RPS19: variants seen among roughly 807,000 people sequenced by gnomAD.
RPS19 encodes the protein small ribosomal subunit protein eS19.
Under a neutral mutation model 20.3 loss-of-function variants are expected in RPS19, and 1 was observed. The ratio of observed to expected loss-of-function variants is 0.05; its 90% CI spans 0.02 to 0.23. The LOEUF (loss-of-function observed/expected upper bound fraction) is 0.23. Ranked by LOEUF, RPS19 falls within the 10% of genes least tolerant of loss-of-function variation. RPS19 has a pLI of 1.00. For synonymous variants in RPS19, 87 were observed against 74.8 expected, an observed-to-expected ratio of 1.16 and a Z score of -0.84; for missense variants, 111 against 192.7, an observed-to-expected ratio of 0.58 and a Z score of 2.51.
At chr19:41,860,702 T>C in intron 1 of RPS19, 73 bp from the exon 2 acceptor site, 1 of 1,088,184 alleles carries the variant, frequency 9.2e-7, no homozygotes, top group Non-Finnish European at 1.4e-6. Flanking sequence ...AGCGAAAGGA[T>C]TGGGGTGGGG....
chr19:41,871,364 A>G lies in RPS19; in HGVS notation c.425A>G (p.Asn142Ser). ...DRIAGQVAAA[N>S]KKH Reference sequence around the variant, plus strand: ...CTTTTCCCACAGGTGGCAGCTGCCAACAAGAAGCATTAGAACAAACCATGC... The same window carrying G: ...CTTTTCCCACAGGTGGCAGCTGCCAGCAAGAAGCATTAGAACAAACCATGC... The change falls in exon 6 of 6, where the codon AAC becomes AGC. Residue 142 changes from asparagine (N) to serine (S), a missense_variant. Coordinates refer to ENST00000598742, the MANE Select transcript of RPS19 (RefSeq NM_001022.4). The G allele has an allele frequency of 6.2e-7, 1 of 1,614,016 alleles. No individual in the cohort carries two copies. The highest frequency in any genetic ancestry group is 1.1e-5 in the South Asian group (1 of 91,086).
At position 41,869,696 on chromosome 19, in the gene RPS19, C is replaced by A. The variant is rs1442016641; in HGVS notation, c.357-3C>A. 6.2e-7 allele frequency: 1 copy of A among 1,613,908 alleles called. No individual in the cohort carries two copies. The highest frequency in any genetic ancestry group is 8.5e-7 in the Non-Finnish European group (1 of 1,179,978). On this transcript the variant is annotated splice_polypyrimidine_tract_variant and splice_region_variant and intron_variant, in intron 4 of 5. Coordinates refer to ENST00000598742, the MANE Select transcript of RPS19 (RefSeq NM_001022.4). Reference sequence around the variant, plus strand: ...GGCCTGCATGACCCTTCCCTCCCCACAGCGGCCGCAAACTGACACCTCAGG... The same window carrying A: ...GGCCTGCATGACCCTTCCCTCCCCAAAGCGGCCGCAAACTGACACCTCAGG...
chr19:41,868,998 G>T, intron 3 of RPS19, 33 bp from the exon 4 acceptor site: 1 of 1,607,578 alleles, frequency 6.2e-7, no homozygotes, highest in South Asian at 1.1e-5. Flanking sequence ...CCTTGATCAA[G>T]ACCCTTAAAT....
intron 4 of RPS19, chr19:41,869,488 C>G: frequency 3.2e-6 from 2 of 618,986 alleles, no homozygotes; most frequent in Non-Finnish European, 5.7e-6. Flanking sequence ...GGCTTTTGAT[C>G]TAAATGCTTG....
chr19:41,869,936 G>A (rs1048280688), intron 5 of RPS19, among the ~76,000 whole-genome samples, 183 bp downstream of exon 5: 9 of 152,108 alleles, frequency 5.9e-5, no homozygotes, highest in African/African-American at 2.2e-4. Context: ...TTTTCCTGTT[G>A]GTGCTGCTTA....
intron 3 of RPS19, among the ~76,000 whole-genome samples, chr19:41,861,959 A>C (rs1555839374): frequency 6.6e-6 from 1 of 152,130 alleles, no homozygotes; most frequent in Non-Finnish European, 1.5e-5. Flanking sequence ...CTAAATCTTC[A>C]CTTTCAGGAA....
Position 41,860,786 on chromosome 19 carries a change from T to C in RPS19, c.12T>C (p.Val4=). ...ACTTTCTCCCTCAGATGCCTGGAGT[T>C]ACTGTAAAAGACGTGAACCAGCAGG... MPG[V]TVKDVNQQEF... is the part of the protein sequence containing the mutation. The change falls in exon 2 of 6, where the codon GTT becomes GTC. Residue 4 remains valine (V), a synonymous_variant. Coordinates refer to ENST00000598742, the MANE Select transcript of RPS19 (RefSeq NM_001022.4). 6.2e-7 allele frequency: 1 copy of C among 1,613,858 alleles called. No homozygotes were observed. Among genetic ancestry groups the C allele is most frequent in the Non-Finnish European group, 8.5e-7 (1 of 1,179,694 alleles).
At chr19:41,866,939 C>T (rs1555840848) in intron 3 of RPS19, among the ~76,000 whole-genome samples, 2 of 151,962 alleles carry the variant, frequency 1.3e-5, no homozygotes, top group African/African-American at 4.8e-5. Flanking sequence ...ATGGAGTGAA[C>T]CCGGAAGGCA....
At chr19:41,861,418 A>G (rs941961037) in intron 3 of RPS19, 1 of 593,486 alleles carries the variant, frequency 1.7e-6, no homozygotes, top group Non-Finnish European at 3.0e-6. Context: ...TGAGAGGAGG[A>G]CCTGTGGCTT....
At chr19:41,862,284 GC>G (rs1331947994) in intron 3 of RPS19, among the ~76,000 whole-genome samples, 8 of 152,126 alleles carry the variant, frequency 5.3e-5, no homozygotes, top group African/African-American at 1.7e-4. Flanking sequence ...ACTCTTTCAG[GC>G]CATGGAGTGA....
chr19:41,862,627 T>C (rs1555839506), intron 3 of RPS19, among the ~76,000 whole-genome samples: 1 of 139,510 alleles, frequency 7.2e-6, no homozygotes, highest in African/African-American at 2.6e-5. Flanking sequence ...ACTGTATGTG[T>C]CTTGTACATT....
At chr19:41,861,270 C>A (rs1555839224) in intron 3 of RPS19, 58 bp downstream of exon 3, 1 of 1,239,058 alleles carries the variant, frequency 8.1e-7, no homozygotes, top group Non-Finnish European at 1.2e-6. Flanking sequence ...CTGGCACAAA[C>A]CATACTTCCC....
intron 3 of RPS19, 132 bp from the exon 4 acceptor site, chr19:41,868,899 T>G: frequency 1.1e-6 from 1 of 938,548 alleles, no homozygotes; most frequent in African/African-American, 1.6e-5. Flanking sequence ...GGGCTGTCAG[T>G]TTCTGGGTGT....
intron 3 of RPS19, among the ~76,000 whole-genome samples, chr19:41,867,853 T>TA (rs1210169991): frequency 6.6e-6 from 1 of 152,220 alleles, no homozygotes. Context: ...AAATAATTGT[T>TA]ACACTGTTTT....
At chr19:41,865,458 C>T (rs1336681795) in intron 3 of RPS19, among the ~76,000 whole-genome samples, 3 of 151,806 alleles carry the variant, frequency 2.0e-5, no homozygotes, top group Non-Finnish European at 4.4e-5. Flanking sequence ...CCTTTAGTAC[C>T]GCAGCACAAA....
intron 3 of RPS19, chr19:41,861,432 G>C (rs1330130994): frequency 1.7e-6 from 1 of 579,054 alleles, no homozygotes; most frequent in East Asian, 3.0e-5. Context: ...GTGGCTTTGA[G>C]CCTCAGGGGA....
intron 1 of RPS19, chr19:41,860,522 C>T: frequency 1.8e-6 from 1 of 543,810 alleles, no homozygotes; most frequent in South Asian, 2.0e-5. Flanking sequence ...AGTCCCGGGG[C>T]TGGGGAGTGG....
At chr19:41,860,714 C>T in intron 1 of RPS19, 61 bp from the exon 2 acceptor site, 1 of 1,225,554 alleles carries the variant, frequency 8.2e-7, no homozygotes, top group South Asian at 1.2e-5. Context: ...GGGGTGGGGT[C>T]CGTGCTCTTG....
intron 5 of RPS19, among the ~76,000 whole-genome samples, chr19:41,870,349 C>T (rs1022411872): frequency 3.3e-5 from 5 of 152,136 alleles, no homozygotes; most frequent in African/African-American, 7.2e-5. Context: ...GGTCAGCCTG[C>T]GATGTTTCCC....
Sources: allele counts gnomAD v4.1 joint callset (sites outside exome capture counted in the v4.1 genomes callset), GRCh38; gene constraint gnomAD v4.1.1; transcripts MANE v1.5; gene names NCBI Gene and HGNC (gene_info 2026-07-23, HGNC 2026-07-21).